The following FRMD4A variants were observed in gnomAD, a reference collection of about 807,000 sequenced individuals.
FRMD4A encodes FERM domain-containing protein 4A.
FRMD4A carries 29 observed loss-of-function variants against 129.1 expected under a neutral mutation model. That is an observed-to-expected ratio of 0.22 (90% confidence interval 0.17 to 0.31). The LOEUF (loss-of-function observed/expected upper bound fraction) is 0.31. Among genes scored for constraint, FRMD4A ranks in the 10% least tolerant of loss-of-function variants. The probability of loss-of-function intolerance (pLI) is 1.00; values close to 1 mark genes in which losing one functional copy is unlikely to be tolerated. For synonymous variants in FRMD4A, 634 were observed against 571.6 expected, an observed-to-expected ratio of 1.11 and a Z score of -1.56; for missense variants, 1,272 against 1,375.8, an observed-to-expected ratio of 0.92 and a Z score of 1.19.
chr10:14,111,324 CT>C (rs140986860), intron 2 of FRMD4A, among the ~76,000 whole-genome samples: 1,906 of 152,240 alleles, frequency 0.013, 33 homozygotes, highest in African/African-American at 0.043. Flanking sequence ...ATTTATTCTG[CT>C]TTTTAAAATC....
At chr10:13,858,722 T>G in intron 3 of FRMD4A, 125 bp downstream of exon 3, 1 of 727,494 alleles carries the variant, frequency 1.4e-6, no homozygotes, top group Admixed American at 1.9e-5. Flanking sequence ...CTAGTCATTC[T>G]CTCACAGATA....
chr10:14,154,191 G>A (rs770913695), intron 2 of FRMD4A, among the ~76,000 whole-genome samples: 1 of 152,100 alleles, frequency 6.6e-6, no homozygotes, highest in South Asian at 2.1e-4. Flanking sequence ...TTGAAAACCC[G>A]CATCGGCTTT....
chr10:14,066,962 A>G (rs1245166950), intron 2 of FRMD4A, among the ~76,000 whole-genome samples: 1 of 152,214 alleles, frequency 6.6e-6, no homozygotes, highest in Non-Finnish European at 1.5e-5. Flanking sequence ...TCCTTCAAGA[A>G]ACAAACTCTT....
intron 3 of FRMD4A, among the ~76,000 whole-genome samples, chr10:13,850,688 C>T (rs1173764484): frequency 6.6e-6 from 1 of 152,156 alleles, no homozygotes; most frequent in Non-Finnish European, 1.5e-5. Context: ...TCCAGGTGAA[C>T]TATTAATAGA....
chr10:14,289,573 T>G (rs987088976), intron 2 of FRMD4A, among the ~76,000 whole-genome samples: 3 of 152,164 alleles, frequency 2.0e-5, no homozygotes, highest in African/African-American at 7.2e-5. Flanking sequence ...TTTACAATTC[T>G]GTAGATTGCC....
rs1200427272 is a variant in FRMD4A at position 14,328,434 on chromosome 10, A to G, written c.45+1624T>C. On this transcript the variant is annotated intron_variant, in intron 2 of 24. Transcript: ENST00000357447. ...CATTTAATTTGGATACCAAGGATTC[A>G]TGCTTAGGGGCTTGGAATAAAGCAG... Among the ~76,000 whole-genome samples, 6 of 149,998 alleles carry G rather than the reference A, an allele frequency of 4.0e-5. No individual in the cohort carries two copies. The East Asian group carries it at 7.9e-4, about 20-fold the overall frequency.
intron 15 of FRMD4A, chr10:13,685,739 T>A: frequency 1.9e-6 from 1 of 525,162 alleles, no homozygotes; most frequent in Non-Finnish European, 2.4e-6. Flanking sequence ...GCCCAGGAGT[T>A]TGAGGCTGGA....
At chr10:13,928,910 A>C (rs2095164421) in intron 2 of FRMD4A, among the ~76,000 whole-genome samples, 2 of 152,204 alleles carry the variant, frequency 1.3e-5, no homozygotes, top group Admixed American at 1.3e-4. Flanking sequence ...GGCCTCCTTG[A>C]AATAATGTCA....
At chr10:13,903,699 C>T (rs1000527394) in intron 2 of FRMD4A, among the ~76,000 whole-genome samples, 5 of 148,350 alleles carry the variant, frequency 3.4e-5, no homozygotes, top group African/African-American at 7.6e-5. Flanking sequence ...TAGCAAGACC[C>T]CATCTCTAAA....
At chr10:13,943,942 AG>A (rs1439895580) in intron 2 of FRMD4A, among the ~76,000 whole-genome samples, 2 of 152,300 alleles carry the variant, frequency 1.3e-5, no homozygotes, top group East Asian at 3.9e-4. Flanking sequence ...ACAGCGTAAA[AG>A]ATGAGACTAT....
At position 13,796,478 on chromosome 10, in the gene FRMD4A, G is replaced by C. The variant is rs1208504685; in HGVS notation, c.299+18C>G. On this transcript the variant is annotated intron_variant, in intron 5 of 24. Coordinates refer to ENST00000357447, the MANE Select transcript of FRMD4A (RefSeq NM_018027.5). ...AAGAACACAAAGAAGCAAAAGTATA[G>C]ACACCAGGTGTACATACCTGACACA... is the stretch of plus-strand genomic sequence containing the variant. 2 of 1,211,982 alleles carry C rather than the reference G, an allele frequency of 1.7e-6. No homozygotes were observed. Among genetic ancestry groups the C allele is most frequent in the African/African-American group, 3.0e-5 (2 of 67,078 alleles). 75.1% of individuals were successfully genotyped at this position (1,211,982 alleles called of 1,614,324 possible).
intron 2 of FRMD4A, among the ~76,000 whole-genome samples, chr10:13,953,896 T>A (rs572445355): frequency 6.6e-6 from 1 of 152,326 alleles, no homozygotes; most frequent in East Asian, 1.9e-4. Context: ...TTGTCATAAC[T>A]CTTGCAGTAT....
Position 14,216,665 on chromosome 10 carries a change from T to A in FRMD4A, c.45+113393A>T, listed in dbSNP as rs1456855519. 2.0e-5 allele frequency among the ~76,000 whole-genome samples: 3 copies of A among 152,030 alleles called. No individual in the cohort carries two copies. In the East Asian group the frequency reaches 5.8e-4, roughly 29 times the overall value. ...AGCCACCCGTTCGCCAGCAAGTCCT[T>A]CTCCTTGATTTTCAGATTCCCAAGA... On this transcript the variant is annotated intron_variant, in intron 2 of 24. Coordinates refer to ENST00000357447, the MANE Select transcript of FRMD4A (RefSeq NM_018027.5).
intron 2 of FRMD4A, among the ~76,000 whole-genome samples, chr10:13,862,286 T>C (rs12242649): frequency 0.012 from 1,806 of 152,306 alleles, 35 homozygotes; most frequent in African/African-American, 0.041. Context: ...TGAAAACAAA[T>C]TGGTATCTGA....
In FRMD4A at chr10:13,646,961, TC is replaced by T; in HGVS notation, c.*76del. 2.0e-6 allele frequency: 2 copies of T among 983,864 alleles called. No individual in the cohort carries two copies. Among genetic ancestry groups the T allele is most frequent in the Non-Finnish European group, 1.2e-6 (1 of 828,144 alleles). 60.9% of individuals were successfully genotyped at this position (983,864 alleles called of 1,614,324 possible). ...CACGAGGGTCCCGGGCTTGGCTTTTTCCTGCCCGTACCACTGGACATCAGCT... is the reference window on the plus strand; with the variant it reads ...CACGAGGGTCCCGGGCTTGGCTTTTTCTGCCCGTACCACTGGACATCAGCT... On this transcript the variant is annotated 3_prime_UTR_variant, in exon 25 of 25. Transcript: ENST00000357447.
At chr10:14,121,237 G>A (rs7087007) in intron 2 of FRMD4A, among the ~76,000 whole-genome samples, 24,831 of 152,094 alleles carry the variant, frequency 0.16, 2,139 homozygotes, top group Non-Finnish European at 0.2. Context: ...GCATGGTGGC[G>A]TGCACCTGTA....
chr10:13,815,695 C>T (rs1344539931), intron 3 of FRMD4A, among the ~76,000 whole-genome samples: 1 of 152,194 alleles, frequency 6.6e-6, no homozygotes, highest in African/African-American at 2.4e-5. Context: ...GATCGTGCCT[C>T]AAGGGCCCTG....
intron 2 of FRMD4A, among the ~76,000 whole-genome samples, chr10:14,250,215 C>A (rs986256165): frequency 6.6e-6 from 1 of 152,162 alleles, no homozygotes; most frequent in Non-Finnish European, 1.5e-5. Flanking sequence ...CCTGCCTCGG[C>A]CTCCCAAAGT....
chr10:14,276,746 G>T (rs1845354708), intron 2 of FRMD4A, among the ~76,000 whole-genome samples: 1 of 152,200 alleles, frequency 6.6e-6, no homozygotes. Context: ...GCTTCTCTAT[G>T]GTGTGAAGCC....
Sources: allele counts gnomAD v4.1 joint callset (sites outside exome capture counted in the v4.1 genomes callset), GRCh38; gene constraint gnomAD v4.1.1; transcripts MANE v1.5; gene names NCBI Gene and HGNC (gene_info 2026-07-23, HGNC 2026-07-21).